The following NBPF8 variants were observed in gnomAD, a reference collection of about 807,000 sequenced individuals.
NBPF8 encodes the protein NBPF member 8, also known as NBPF family member NBPF8.
chr1:120,436,316 GCAC>G (rs1362094140), upstream of NBPF8: 1 of 1,515,978 alleles, frequency 6.6e-7, no homozygotes, highest in African/African-American at 1.4e-5. Flanking sequence ...CTGAGTTGAG[GCAC>G]CTCGAACCTT....
intron 1 of NBPF8, among the ~76,000 whole-genome samples, chr1:120,425,254 C>G (rs4649639): frequency 0.49 from 73,435 of 151,174 alleles, 19,545 homozygotes; most frequent in African/African-American, 0.69. Flanking sequence ...TCTGTCTCCT[C>G]CTCGTCCCTG....
chr1:120,450,187 A>G (rs1283067569), intron 11 of NBPF8, among the ~76,000 whole-genome samples: 1 of 152,144 alleles, frequency 6.6e-6, no homozygotes, highest in East Asian at 1.9e-4. Context: ...AGGTTTTGCC[A>G]TTGCACTCCA....
intron 1 of NBPF8, among the ~76,000 whole-genome samples, chr1:120,421,889 C>G (rs1660587340): frequency 6.6e-6 from 1 of 152,076 alleles, no homozygotes; most frequent in South Asian, 2.1e-4. Flanking sequence ...CTGCTTCTGC[C>G]TAACTGATCT....
At chr1:120,415,417 G>C (rs1374250285), upstream of NBPF8, among the ~76,000 whole-genome samples, 1 of 152,070 alleles carries the variant, frequency 6.6e-6, no homozygotes, top group African/African-American at 2.4e-5. Flanking sequence ...GTGTGTTCCG[G>C]CCCCGCCGGG....
chr1:120,452,041 G>T, intron 12 of NBPF8, 76 bp from the exon 11 acceptor site: 1 of 1,428,112 alleles, frequency 7.0e-7, no homozygotes. Context: ...CATTGTCTCA[G>T]AAGTCTCTGT....
In NBPF8 at chr1:120,452,138, C is replaced by T. The variant is rs2101678344; in HGVS notation, n.2096C>T. The T allele has an allele frequency of 6.8e-6, 11 of 1,606,420 alleles. No homozygotes were observed. In the East Asian group the frequency reaches 2.0e-4, roughly 29 times the overall value. On this transcript the variant is annotated non_coding_transcript_exon_variant, in exon 13 of 25. Coordinates refer to ENST00000583271, the Ensembl canonical transcript of NBPF8. ...TTAGGCAATATAAAGTCCTGGTTCA[C>T]ACTCAGGAACGAGAGCTGACCCAGT...
Position 120,464,347 on chromosome 1 carries a change from G to A in NBPF8, n.3287-29G>A, listed in dbSNP as rs1297219635. ...TCTGTTGTGTCTGATTTCCCCTGGC[G>A]TATTCTTTACTTTTTCCTCCTTTTC... On this transcript the variant is annotated intron_variant and non_coding_transcript_variant, in intron 22 of 24. Coordinates refer to ENST00000583271, the Ensembl canonical transcript of NBPF8. The A allele has an allele frequency of 1.3e-3, 984 of 779,970 alleles. 22 individuals are homozygous for A. The highest frequency in any genetic ancestry group is 2.5e-3 in the Middle Eastern group (7 of 2,844). 48.3% of individuals were successfully genotyped at this position (779,970 alleles called of 1,614,324 possible). A position where few individuals can be genotyped will look rare whatever the true frequency, so the allele number is the denominator to read the frequency against.
chr1:120,427,642 G>C (rs1423370755), intron 2 of NBPF8, among the ~76,000 whole-genome samples, 64 bp from the exon 3 acceptor site: 2 of 95,472 alleles, frequency 2.1e-5, no homozygotes, highest in Admixed American at 1.2e-4. Flanking sequence ...TGGTAAGAAA[G>C]TGTCTCATTG....
exon 1 of NBPF8, chr1:120,436,545 G>T (rs1553247785): frequency 7.2e-5 from 110 of 1,528,424 alleles, no homozygotes; most frequent in Middle Eastern, 4.6e-4. Context: ...GCCGGCCCTT[G>T]GTCCAGCGAG....
At chr1:120,424,548 A>G (rs1348453135) in intron 1 of NBPF8, among the ~76,000 whole-genome samples, 1 of 152,054 alleles carries the variant, frequency 6.6e-6, no homozygotes, top group Non-Finnish European at 1.5e-5. Context: ...CCTGAGTTCA[A>G]GTGATTCTCC....
chr1:120,464,407 C>G (rs1661684467), exon 23 of NBPF8: 9 of 717,644 alleles, frequency 1.3e-5, no homozygotes, highest in Non-Finnish European at 2.0e-5. Flanking sequence ...GGTAGTAGAG[C>G]CTGAAGTCTT....
upstream of NBPF8, among the ~76,000 whole-genome samples, chr1:120,435,907 T>A (rs1448046065): frequency 6.6e-6 from 1 of 151,314 alleles, no homozygotes; most frequent in African/African-American, 2.4e-5. Flanking sequence ...TACTAAATGA[T>A]TCCATTTTTT....
chr1:120,455,149 A>T (rs1444753944), intron 15 of NBPF8, among the ~76,000 whole-genome samples: 2 of 151,082 alleles, frequency 1.3e-5, no homozygotes, highest in Non-Finnish European at 2.9e-5. Context: ...TTGGGGAAAA[A>T]ATTTTGTTTA....
At chr1:120,420,654 G>A (rs2101445638) in intron 1 of NBPF8, among the ~76,000 whole-genome samples, 1 of 146,398 alleles carries the variant, frequency 6.8e-6, no homozygotes, top group Admixed American at 6.7e-5. Context: ...TAAAAGAGAG[G>A]CCACTTTTGA....
At chr1:120,422,640 G>T (rs1378056924) in intron 1 of NBPF8, among the ~76,000 whole-genome samples, 3 of 146,282 alleles carry the variant, frequency 2.1e-5, no homozygotes, top group African/African-American at 8.0e-5. Flanking sequence ...CTTGGTGAAA[G>T]ATGTCTTGGG....
At chr1:120,466,227 C>T (rs1407819519) in exon 25 of NBPF8, 2 of 1,607,628 alleles carry the variant, frequency 1.2e-6, no homozygotes, top group Admixed American at 3.3e-5. Context: ...AATAAGCAGC[C>T]CTTACTAAGC....
intron 1 of NBPF8, among the ~76,000 whole-genome samples, chr1:120,421,976 C>A (rs1474413591): frequency 2.0e-5 from 3 of 151,962 alleles, no homozygotes; most frequent in Non-Finnish European, 4.4e-5. Context: ...GCTCTGACTC[C>A]AGGTTGGTGC....
At chr1:120,469,549 T>C (rs1661858847), downstream of NBPF8, among the ~76,000 whole-genome samples, 1 of 151,760 alleles carries the variant, frequency 6.6e-6, no homozygotes, top group Admixed American at 6.6e-5. Context: ...ACTGTTTTTC[T>C]CCCAAACTGC....
At chr1:120,451,247 G>C in exon 12 of NBPF8, 1 of 1,441,328 alleles carries the variant, frequency 6.9e-7, no homozygotes, top group Non-Finnish European at 9.4e-7. Context: ...AGGAGGAGAA[G>C]CTTGCAGAGC....
Sources: allele counts gnomAD v4.1 joint callset (sites outside exome capture counted in the v4.1 genomes callset), GRCh38; gene constraint gnomAD v4.1.1; transcripts MANE v1.5; gene names NCBI Gene and HGNC (gene_info 2026-07-23, HGNC 2026-07-21).